The following SESN1 variants were observed in gnomAD, a reference collection of about 807,000 sequenced individuals.
SESN1 encodes the protein sestrin 1.
SESN1 carries 30 observed loss-of-function variants against 59.3 expected under a neutral mutation model. The observed-to-expected ratio is 0.51, with a 90% CI of 0.38 to 0.69. The LOEUF (loss-of-function observed/expected upper bound fraction) is 0.69. SESN1 is among the 30% of genes least tolerant of loss of function. SESN1 has a pLI of 0.00. For missense variants in SESN1, 566 were observed against 673.0 expected (o/e 0.84, Z 1.76); for synonymous variants, 197 against 219.9 (o/e 0.90, Z 0.92).
chr6:109,001,889 G>A (rs1318405774), intron 2 of SESN1, among the ~76,000 whole-genome samples: 2 of 152,156 alleles, frequency 1.3e-5, no homozygotes, highest in African/African-American at 4.8e-5. Flanking sequence ...TGAAAATAAA[G>A]CATAGATGCT....
intron 8 of SESN1, among the ~76,000 whole-genome samples, chr6:108,989,713 AG>A (rs1190016165): frequency 6.6e-5 from 10 of 152,126 alleles, no homozygotes; most frequent in Non-Finnish European, 1.2e-4. Flanking sequence ...ATGAGAAAAA[AG>A]GCAGGGGCTG....
intron 1 of SESN1, among the ~76,000 whole-genome samples, chr6:109,058,693 T>G (rs991510659): frequency 6.6e-6 from 1 of 152,122 alleles, no homozygotes; most frequent in African/African-American, 2.4e-5. Flanking sequence ...TCTTTCCAAG[T>G]GTACAATTGC....
At chr6:109,048,032 A>G (rs1780480836) in intron 1 of SESN1, among the ~76,000 whole-genome samples, 1 of 149,450 alleles carries the variant, frequency 6.7e-6, no homozygotes. Context: ...CCTTCCCTCC[A>G]CTATTGTCCC....
chr6:109,081,878 G>A (rs1781127690), intron 1 of SESN1, among the ~76,000 whole-genome samples: 1 of 152,126 alleles, frequency 6.6e-6, no homozygotes, highest in African/African-American at 2.4e-5. Flanking sequence ...GCTCCCATTG[G>A]GGGAAGCACA....
In SESN1 at chr6:108,985,315, G is replaced by T. The variant is rs75181430; in HGVS notation, c.*2229C>A. 6.6e-6 allele frequency among the ~76,000 whole-genome samples: 1 copy of T among 151,882 alleles called. No individual in the cohort carries two copies. Among genetic ancestry groups the T allele is most frequent in the East Asian group, 1.9e-4 (1 of 5,176 alleles). On this transcript the variant is annotated 3_prime_UTR_variant, in exon 10 of 10. Transcript: ENST00000436639. ...TCAAGATTTTAACTCTTGAATCCTG[G>T]GACCCTCAACCAGAAATCTTCTCAT...
intron 8 of SESN1, among the ~76,000 whole-genome samples, chr6:108,989,601 A>G (rs1201914753): frequency 6.6e-6 from 1 of 151,280 alleles, no homozygotes; most frequent in Non-Finnish European, 1.5e-5. Flanking sequence ...AGATAGAGAG[A>G]GATAGATATC....
At chr6:109,014,156 T>C (rs1779899986) in intron 1 of SESN1, among the ~76,000 whole-genome samples, 1 of 152,176 alleles carries the variant, frequency 6.6e-6, no homozygotes, top group South Asian at 2.1e-4. Flanking sequence ...TTTAGAAATA[T>C]GAGGCATCAC....
chr6:109,086,552 T>C (rs1446659443), intron 1 of SESN1, among the ~76,000 whole-genome samples: 1 of 152,204 alleles, frequency 6.6e-6, no homozygotes, highest in Non-Finnish European at 1.5e-5. Context: ...ACACCTACTT[T>C]CTAATTCTTT....
intron 1 of SESN1, among the ~76,000 whole-genome samples, chr6:109,084,472 T>C (rs1781178389): frequency 6.6e-6 from 1 of 152,150 alleles, no homozygotes; most frequent in African/African-American, 2.4e-5. Flanking sequence ...GAGAATCGTT[T>C]GAACCCTGAG....
At chr6:109,027,553 A>G (rs1382863779) in intron 1 of SESN1, among the ~76,000 whole-genome samples, 2 of 151,544 alleles carry the variant, frequency 1.3e-5, no homozygotes, top group Non-Finnish European at 2.9e-5. Flanking sequence ...ATTTTAGTCA[A>G]TCTAATGGGT....
chr6:109,008,299 G>T (rs1779776570), intron 1 of SESN1, among the ~76,000 whole-genome samples: 1 of 152,116 alleles, frequency 6.6e-6, no homozygotes, highest in South Asian at 2.1e-4. Flanking sequence ...CCCGCAAACA[G>T]AAACTGTAAA....
chr6:109,083,458 C>T (rs1781157845), intron 1 of SESN1, among the ~76,000 whole-genome samples: 1 of 152,132 alleles, frequency 6.6e-6, no homozygotes. Flanking sequence ...GATACACACA[C>T]ATACACAAAT....
chr6:109,035,582 A>C (rs976626224), intron 1 of SESN1, among the ~76,000 whole-genome samples: 2 of 151,930 alleles, frequency 1.3e-5, no homozygotes, highest in Non-Finnish European at 2.9e-5. Flanking sequence ...GAACACAGTC[A>C]CTGACTCTTA....
chr6:109,018,176 T>C (rs1319768032), intron 1 of SESN1, among the ~76,000 whole-genome samples: 1 of 152,228 alleles, frequency 6.6e-6, no homozygotes, highest in Non-Finnish European at 1.5e-5. Flanking sequence ...ACACATACTT[T>C]AGAGATATTA....
intron 1 of SESN1, among the ~76,000 whole-genome samples, chr6:109,055,860 T>C (rs1249853337): frequency 6.6e-6 from 1 of 152,168 alleles, no homozygotes; most frequent in African/African-American, 2.4e-5. Context: ...AGTTACTCAA[T>C]ATGTTTGTGG....
intron 1 of SESN1, among the ~76,000 whole-genome samples, chr6:109,036,204 C>T (rs1780244990): frequency 6.6e-6 from 1 of 152,138 alleles, no homozygotes; most frequent in Non-Finnish European, 1.5e-5. Flanking sequence ...TAGTTTTTTT[C>T]ATAGAAACAT....
chr6:109,026,584 C>A lies in SESN1; in HGVS notation c.280-24241G>T, dbSNP rs551080361. 9.9e-5 allele frequency among the ~76,000 whole-genome samples: 15 copies of A among 152,180 alleles called. No individual in the cohort carries two copies. In the South Asian group the frequency reaches 3.1e-3, roughly 32 times the overall value. On this transcript the variant is annotated intron_variant, in intron 1 of 9. Coordinates refer to ENST00000436639, the MANE Select transcript of SESN1 (RefSeq NM_014454.3). ...CAATCTCGGCTCACTGCAACCTTCTCCGCCTCCCAGTTTCGGTTCAAGCGA... is the reference window on the plus strand; with the variant it reads ...CAATCTCGGCTCACTGCAACCTTCTACGCCTCCCAGTTTCGGTTCAAGCGA...
At chr6:108,994,851 T>C (rs1467546030) in intron 5 of SESN1, among the ~76,000 whole-genome samples, 4 of 151,944 alleles carry the variant, frequency 2.6e-5, no homozygotes, top group Admixed American at 1.3e-4. Flanking sequence ...TACAGGTGCC[T>C]GCCACCATGC....
intron 1 of SESN1, among the ~76,000 whole-genome samples, chr6:109,052,444 C>T (rs566065794): frequency 1.3e-5 from 2 of 152,266 alleles, no homozygotes; most frequent in East Asian, 3.9e-4. Context: ...TTATAACACA[C>T]TGGTATATTT....
Sources: gnomAD v4.1 joint callset for allele counts (sites outside exome capture counted in the v4.1 genomes callset) on GRCh38, gnomAD v4.1.1 for gene constraint, MANE v1.5 for transcripts, NCBI Gene and HGNC (gene_info 2026-07-23, HGNC 2026-07-21) for gene names.